SLC35F1: variants seen among roughly 807,000 people sequenced by gnomAD.
The protein encoded by SLC35F1 is solute carrier family 35 member F1.
Under a neutral mutation model 48.7 loss-of-function variants are expected in SLC35F1, and 14 were observed. That is an observed-to-expected ratio of 0.29 (90% CI 0.19 to 0.45). SLC35F1 has a LOEUF of 0.45. SLC35F1 is among the 20% of genes least tolerant of loss of function. The probability of loss-of-function intolerance (pLI) is 1.00; values close to 1 mark genes in which losing one functional copy is unlikely to be tolerated. For synonymous variants in SLC35F1, 190 were observed against 202.2 expected (o/e 0.94, Z 0.51); for missense variants, 404 against 500.0 (o/e 0.81, Z 1.83).
At chr6:118,082,056 T>G (rs1299764426) in intron 1 of SLC35F1, among the ~76,000 whole-genome samples, 2 of 152,224 alleles carry the variant, frequency 1.3e-5, no homozygotes, top group African/African-American at 4.8e-5. Context: ...AAGAAGATAT[T>G]TGTCTAAAAC....
intron 2 of SLC35F1, among the ~76,000 whole-genome samples, chr6:118,225,169 A>G (rs1582738930): frequency 6.6e-6 from 1 of 152,138 alleles, no homozygotes; most frequent in South Asian, 2.1e-4. Context: ...GAAATAAAGG[A>G]CCCCAGTAGC....
At chr6:118,301,712 A>T (rs1301400812) in intron 7 of SLC35F1, among the ~76,000 whole-genome samples, 1 of 152,186 alleles carries the variant, frequency 6.6e-6, no homozygotes, top group Non-Finnish European at 1.5e-5. Context: ...AAACTTTTCC[A>T]TGAAGGGGCA....
chr6:118,059,062 G>A (rs936020930), intron 1 of SLC35F1, among the ~76,000 whole-genome samples: 4 of 152,032 alleles, frequency 2.6e-5, no homozygotes, highest in Non-Finnish European at 4.4e-5. Context: ...CATATACCAC[G>A]GTATTTAATT....
intron 1 of SLC35F1, among the ~76,000 whole-genome samples, chr6:117,908,948 A>G (rs1775730755): frequency 6.6e-6 from 1 of 152,184 alleles, no homozygotes. Context: ...CTGGGGCTCA[A>G]AGCTCTGGTG....
At chr6:118,268,347 A>G (rs1263636847) in intron 4 of SLC35F1, among the ~76,000 whole-genome samples, 1 of 151,776 alleles carries the variant, frequency 6.6e-6, no homozygotes, top group African/African-American at 2.4e-5. Context: ...CATCCACACC[A>G]TCTACACAAC....
At chr6:118,000,186 T>C (rs955235773) in intron 1 of SLC35F1, among the ~76,000 whole-genome samples, 1 of 152,206 alleles carries the variant, frequency 6.6e-6, no homozygotes, top group East Asian at 1.9e-4. Context: ...TGAACATTGA[T>C]GCAAAAATCC....
intron 1 of SLC35F1, among the ~76,000 whole-genome samples, chr6:118,023,079 C>T (rs1001536859): frequency 6.6e-6 from 1 of 152,096 alleles, no homozygotes; most frequent in Admixed American, 6.5e-5. Context: ...TCATAATGCT[C>T]AGCCACCCTT....
chr6:117,908,594 C>G (rs1775725938), intron 1 of SLC35F1, among the ~76,000 whole-genome samples: 1 of 152,230 alleles, frequency 6.6e-6, no homozygotes. Flanking sequence ...GGGCGGGTGC[C>G]GATCGCCGGC....
intron 2 of SLC35F1, among the ~76,000 whole-genome samples, chr6:118,212,731 G>GAAGGA (rs1775018448): frequency 3.0e-5 from 1 of 32,978 alleles, no homozygotes; most frequent in Non-Finnish European, 5.7e-5. Flanking sequence ...GGAAGGAAAG[G>GAAGGA]AAGGAAGGAA....
At chr6:118,161,315 G>C (rs1412119481) in intron 2 of SLC35F1, among the ~76,000 whole-genome samples, 1 of 150,028 alleles carries the variant, frequency 6.7e-6, no homozygotes, top group Non-Finnish European at 1.5e-5. Context: ...AAAAAAAAAA[G>C]CAGTGAAAGA....
chr6:118,216,031 T>A (rs984890264), intron 2 of SLC35F1, among the ~76,000 whole-genome samples: 8 of 152,062 alleles, frequency 5.3e-5, no homozygotes, highest in African/African-American at 1.9e-4. Flanking sequence ...TTTTGAATAT[T>A]TGGTATGCAC....
intron 1 of SLC35F1, among the ~76,000 whole-genome samples, chr6:118,150,937 T>C (rs991792177): frequency 6.6e-6 from 1 of 152,160 alleles, no homozygotes; most frequent in Non-Finnish European, 1.5e-5. Context: ...CATGAAACTC[T>C]CTGTTCTCTT....
intron 3 of SLC35F1, among the ~76,000 whole-genome samples, chr6:118,254,378 C>T (rs917423370): frequency 4.6e-5 from 7 of 152,174 alleles, no homozygotes; most frequent in African/African-American, 1.7e-4. Context: ...AACTTCTGGG[C>T]TCAAGTGATC....
At chr6:118,300,512 C>T (rs77525021) in intron 7 of SLC35F1, among the ~76,000 whole-genome samples, 6,733 of 152,152 alleles carry the variant, frequency 0.044, 200 homozygotes, top group African/African-American at 0.074. Flanking sequence ...AATCACAAAA[C>T]AATAAAGTTA....
intron 2 of SLC35F1, among the ~76,000 whole-genome samples, chr6:118,199,133 G>C (rs1774840056): frequency 6.6e-6 from 1 of 152,166 alleles, no homozygotes; most frequent in Admixed American, 6.5e-5. Context: ...CTGACCCAAA[G>C]TATTGTAGGA....
chr6:118,248,864 A>C (rs1775538814), intron 3 of SLC35F1, among the ~76,000 whole-genome samples: 1 of 152,100 alleles, frequency 6.6e-6, no homozygotes, highest in Admixed American at 6.5e-5. Context: ...TGAAATCCTA[A>C]CCCCCAATAT....
chr6:117,911,416 TCCCTCCCTCCCTTC>T (rs1775761954), intron 1 of SLC35F1, among the ~76,000 whole-genome samples: 3 of 15,910 alleles, frequency 1.9e-4, no homozygotes, highest in Admixed American at 6.2e-4. Context: ...CCTCCCTCCC[TCCCTCCCTCCCTTC>T]CTTCCTTCCT....
intron 1 of SLC35F1, among the ~76,000 whole-genome samples, chr6:117,997,391 A>G (rs1375994804): frequency 1.3e-5 from 2 of 152,166 alleles, no homozygotes; most frequent in African/African-American, 4.8e-5. Context: ...CTAGCAAGGC[A>G]GGCCAACATT....
chr6:118,213,773 A>G (rs1171738630), intron 2 of SLC35F1, among the ~76,000 whole-genome samples: 1 of 152,194 alleles, frequency 6.6e-6, no homozygotes, highest in Admixed American at 6.5e-5. Context: ...ACAGAAACAC[A>G]TTATATCTAG....
Sources: allele counts gnomAD v4.1 joint callset (sites outside exome capture counted in the v4.1 genomes callset), GRCh38; gene constraint gnomAD v4.1.1; transcripts MANE v1.5; gene names NCBI Gene and HGNC (gene_info 2026-07-23, HGNC 2026-07-21).